The following KCNIP4 variants were observed in gnomAD, a reference collection of about 807,000 sequenced individuals.
KCNIP4 encodes the protein Kv channel-interacting protein 4.
Under a neutral mutation model 34.0 loss-of-function variants are expected in KCNIP4, and 12 were observed. The ratio of observed to expected loss-of-function variants is 0.35; its 90% CI spans 0.23 to 0.57. The LOEUF (loss-of-function observed/expected upper bound fraction) is 0.57. KCNIP4 is among the 20% of genes least tolerant of loss of function. The probability of loss-of-function intolerance (pLI) is 0.83; values close to 1 mark genes in which losing one functional copy is unlikely to be tolerated. For synonymous variants in KCNIP4, 124 were observed against 102.2 expected, an observed-to-expected ratio of 1.21 and a Z score of -1.29; for missense variants, 238 against 311.7, an observed-to-expected ratio of 0.76 and a Z score of 1.78.
At chr4:21,712,491 C>G (rs1713810868) in intron 1 of KCNIP4, among the ~76,000 whole-genome samples, 1 of 152,182 alleles carries the variant, frequency 6.6e-6, no homozygotes, top group Admixed American at 6.5e-5. Flanking sequence ...GGCTGCTTAT[C>G]TCCTGGGAAT....
At chr4:21,573,213 T>A (rs1049284321) in intron 1 of KCNIP4, among the ~76,000 whole-genome samples, 1 of 152,098 alleles carries the variant, frequency 6.6e-6, no homozygotes, top group African/African-American at 2.4e-5. Context: ...TTAGTGAGTA[T>A]CTCCAATATG....
chr4:20,788,056 G>A (rs1206755508), intron 3 of KCNIP4, among the ~76,000 whole-genome samples: 1 of 151,884 alleles, frequency 6.6e-6, no homozygotes, highest in East Asian at 1.9e-4. Context: ...CTGGTATTGT[G>A]ATAGTTCATT....
At chr4:21,642,271 G>A (rs540359366) in intron 1 of KCNIP4, among the ~76,000 whole-genome samples, 3 of 151,932 alleles carry the variant, frequency 2.0e-5, no homozygotes, top group Non-Finnish European at 2.9e-5. Context: ...TTGAAGACTC[G>A]GTTACAGTGT....
rs375787939 is a variant in KCNIP4, at chr4:21,589,156, G to GTA, written c.61+359413_61+359414dup. Among the ~76,000 whole-genome samples, 611 of 71,102 alleles carry GTA rather than the reference G, an allele frequency of 8.6e-3. 7 individuals carry two copies. Among genetic ancestry groups the GTA allele is most frequent in the Middle Eastern group, 0.023 (2 of 86 alleles). 46.6% of individuals were successfully genotyped at this position (71,102 alleles called of 152,430 possible). On this transcript the variant is annotated intron_variant, in intron 1 of 8. Coordinates refer to ENST00000382152, the MANE Select transcript of KCNIP4 (RefSeq NM_025221.6). ...TGTAGGGGCACAAAAATGGAGGTGT[G>GTA]TATATATATATATATATATATATAT...
intron 2 of KCNIP4, among the ~76,000 whole-genome samples, chr4:20,857,865 C>T (rs1266999675): frequency 1.3e-5 from 2 of 152,032 alleles, no homozygotes; most frequent in Non-Finnish European, 2.9e-5. Flanking sequence ...TCCTCAAATT[C>T]ATATGTTGAA....
At chr4:21,367,348 T>C (rs1459784557) in intron 1 of KCNIP4, among the ~76,000 whole-genome samples, 2 of 152,156 alleles carry the variant, frequency 1.3e-5, no homozygotes, top group Non-Finnish European at 2.9e-5. Flanking sequence ...TACTTCTACC[T>C]TTTTGCACCC....
At chr4:21,504,286 G>A (rs1343208430) in intron 1 of KCNIP4, among the ~76,000 whole-genome samples, 9 of 151,792 alleles carry the variant, frequency 5.9e-5, no homozygotes, top group Non-Finnish European at 1.3e-4. Flanking sequence ...TGGCCAACAT[G>A]GTGAAACCCC....
chr4:21,493,626 A>G (rs372123331), intron 1 of KCNIP4, among the ~76,000 whole-genome samples: 4 of 152,276 alleles, frequency 2.6e-5, no homozygotes, highest in African/African-American at 9.6e-5. Context: ...ACAAGCAACA[A>G]GAGTCCTTTC....
chr4:21,124,700 T>C (rs1037783303), intron 1 of KCNIP4, among the ~76,000 whole-genome samples: 13 of 152,250 alleles, frequency 8.5e-5, no homozygotes, highest in Admixed American at 5.2e-4. Context: ...AGGTACAGAC[T>C]CCTAGCAAAA....
chr4:21,392,314 A>C (rs76375114), intron 1 of KCNIP4, among the ~76,000 whole-genome samples: 1 of 149,108 alleles, frequency 6.7e-6, no homozygotes, highest in Non-Finnish European at 1.5e-5. Context: ...ACTATTAAGA[A>C]GATTATAATT....
At chr4:20,843,155 G>A (rs1317658533) in intron 3 of KCNIP4, among the ~76,000 whole-genome samples, 1 of 152,034 alleles carries the variant, frequency 6.6e-6, no homozygotes, top group Non-Finnish European at 1.5e-5. Flanking sequence ...TGATCCAGCC[G>A]CCTAGGCTTC....
chr4:21,579,738 A>T (rs1741061652), intron 1 of KCNIP4, among the ~76,000 whole-genome samples: 1 of 152,228 alleles, frequency 6.6e-6, no homozygotes, highest in East Asian at 1.9e-4. Context: ...AGTTGAACAC[A>T]ATGTAATTCT....
intron 1 of KCNIP4, among the ~76,000 whole-genome samples, chr4:20,950,152 A>G (rs1195553556): frequency 6.7e-6 from 1 of 150,118 alleles, no homozygotes; most frequent in Non-Finnish European, 1.5e-5. Flanking sequence ...AAAAGAAAAT[A>G]CTGGTTCTTC....
At chr4:20,956,096 GATCT>G (rs1733275225) in intron 1 of KCNIP4, among the ~76,000 whole-genome samples, 1 of 152,032 alleles carries the variant, frequency 6.6e-6, no homozygotes, top group African/African-American at 2.4e-5. Context: ...TTTTGACAGG[GATCT>G]ATCTTTCACT....
At chr4:20,851,549 G>A (rs113679468) in intron 2 of KCNIP4, among the ~76,000 whole-genome samples, 24 of 152,116 alleles carry the variant, frequency 1.6e-4, no homozygotes, top group South Asian at 6.2e-4. Flanking sequence ...GTATATACCC[G>A]GTAATGAGAT....
At chr4:21,254,057 G>A (rs73802520) in intron 1 of KCNIP4, among the ~76,000 whole-genome samples, 2,984 of 152,256 alleles carry the variant, frequency 0.02, 82 homozygotes, top group African/African-American at 0.064. Flanking sequence ...GGTGAGAAAC[G>A]AAGAACAACT....
At chr4:21,657,847 T>G (rs1177797733) in intron 1 of KCNIP4, among the ~76,000 whole-genome samples, 3 of 151,970 alleles carry the variant, frequency 2.0e-5, no homozygotes, top group Non-Finnish European at 2.9e-5. Flanking sequence ...CATAATTTTT[T>G]TTTTTTTTTT....
At position 21,253,052 on chromosome 4, in the gene KCNIP4, G is replaced by A. The variant is rs144444474; in HGVS notation, c.62-370343C>T. ...AAGTAAGATTTTACAGAAGTACAAA[G>A]CCTCACATCAAAAGACACACTCATA... On this transcript the variant is annotated intron_variant, in intron 1 of 8. Transcript: ENST00000382152. Among the ~76,000 whole-genome samples the A allele has an allele frequency of 4.6e-3, 694 of 152,284 alleles. 4 individuals carry two copies. The highest frequency in any genetic ancestry group is 0.016 in the African/African-American group (657 of 41,552).
At chr4:21,669,446 G>A (rs890297976) in intron 1 of KCNIP4, among the ~76,000 whole-genome samples, 3 of 152,132 alleles carry the variant, frequency 2.0e-5, no homozygotes, top group Non-Finnish European at 2.9e-5. Flanking sequence ...TTTACTGTAA[G>A]AATACAACAT....
Sources: allele counts gnomAD v4.1 joint callset (sites outside exome capture counted in the v4.1 genomes callset), GRCh38; gene constraint gnomAD v4.1.1; transcripts MANE v1.5; gene names NCBI Gene and HGNC (gene_info 2026-07-23, HGNC 2026-07-21).